Variants in NRG3 observed in about 807,000 individuals in gnomAD.
NRG3 encodes neuregulin 3.
A neutral mutation model predicts 66.9 loss-of-function variants in NRG3; 31 were observed. The observed-to-expected ratio is 0.46, with a 90% CI of 0.35 to 0.63. NRG3 has a LOEUF of 0.63. Ranked by LOEUF, NRG3 falls within the 20% of genes least tolerant of loss-of-function variation. The pLI is 0.00. For missense variants in NRG3, 910 were observed against 878.9 expected, an observed-to-expected ratio of 1.04 and a Z score of -0.45; for synonymous variants, 393 against 359.4, an observed-to-expected ratio of 1.09 and a Z score of -1.06.
chr10:82,685,432 C>G (rs749346573), intron 2 of NRG3, among the ~76,000 whole-genome samples: 3 of 152,166 alleles, frequency 2.0e-5, no homozygotes, highest in African/African-American at 4.8e-5. Flanking sequence ...GTCTGGAGGC[C>G]TGACCAGGAC....
chr10:81,912,387 G>T (rs979561552), intron 1 of NRG3, among the ~76,000 whole-genome samples: 4 of 152,064 alleles, frequency 2.6e-5, no homozygotes, highest in Non-Finnish European at 5.9e-5. Flanking sequence ...AAACCTGGTA[G>T]ATTTTTAAAT....
chr10:81,980,624 A>G (rs2060299812), intron 1 of NRG3, among the ~76,000 whole-genome samples: 2 of 152,224 alleles, frequency 1.3e-5, no homozygotes, highest in Admixed American at 1.3e-4. Context: ...CAGTTTTCAG[A>G]ATTTTCATTT....
chr10:81,997,090 T>C (rs2060967821), intron 1 of NRG3, among the ~76,000 whole-genome samples: 1 of 152,208 alleles, frequency 6.6e-6, no homozygotes, highest in Non-Finnish European at 1.5e-5. Flanking sequence ...TGCATGCTAT[T>C]ACCAGATGAA....
intron 1 of NRG3, among the ~76,000 whole-genome samples, chr10:81,986,192 G>A (rs983087809): frequency 2.0e-5 from 3 of 152,090 alleles, no homozygotes; most frequent in African/African-American, 7.2e-5. Flanking sequence ...GAGATTTTCA[G>A]TCAAGTTTCA....
intron 2 of NRG3, among the ~76,000 whole-genome samples, chr10:82,424,842 A>C (rs535991437): frequency 1.1e-4 from 17 of 151,848 alleles, no homozygotes; most frequent in Non-Finnish European, 2.4e-4. Context: ...TTCCAAATTT[A>C]TTCTTTTGGA....
At chr10:82,767,416 T>C (rs995134580) in intron 3 of NRG3, among the ~76,000 whole-genome samples, 1 of 152,184 alleles carries the variant, frequency 6.6e-6, no homozygotes, top group Non-Finnish European at 1.5e-5. Context: ...CTGAAAAATG[T>C]CTTTATTCTA....
At chr10:81,935,805 C>T (rs1014742749) in intron 1 of NRG3, among the ~76,000 whole-genome samples, 3 of 151,868 alleles carry the variant, frequency 2.0e-5, no homozygotes, top group African/African-American at 7.2e-5. Context: ...CTTTGTTCCT[C>T]CTTGGAGTCA....
At chr10:82,573,431 T>C (rs1301221302) in intron 2 of NRG3, among the ~76,000 whole-genome samples, 1 of 151,846 alleles carries the variant, frequency 6.6e-6, no homozygotes, top group Non-Finnish European at 1.5e-5. Flanking sequence ...TTTTGGCACC[T>C]GTGCTGTAAA....
chr10:82,687,786 C>A (rs781157271), intron 2 of NRG3, among the ~76,000 whole-genome samples: 2 of 152,134 alleles, frequency 1.3e-5, no homozygotes, highest in Non-Finnish European at 2.9e-5. Flanking sequence ...CTGGTCCCCA[C>A]ATCTTCAACT....
At chr10:82,066,132 T>C (rs887419168) in intron 1 of NRG3, among the ~76,000 whole-genome samples, 7 of 152,196 alleles carry the variant, frequency 4.6e-5, no homozygotes. Flanking sequence ...AGGATATTAA[T>C]TTTTCAAATA....
chr10:82,297,352 A>G (rs1243822186), intron 1 of NRG3, among the ~76,000 whole-genome samples: 1 of 152,132 alleles, frequency 6.6e-6, no homozygotes, highest in Non-Finnish European at 1.5e-5. Context: ...TCTTTGAGAA[A>G]TTGAATTTGA....
In NRG3 at chr10:81,875,254, C is replaced by T. The variant is rs1695996817; in HGVS notation, c.-87C>T. Reference sequence around the variant, plus strand: ...CCCGAGCCCGCCGCCGCCGCCGGAGCCCGCGCCCGCGCCCGCGCCCGGCCC... The same window carrying T: ...CCCGAGCCCGCCGCCGCCGCCGGAGTCCGCGCCCGCGCCCGCGCCCGGCCC... On this transcript the variant is annotated 5_prime_UTR_variant, in exon 1 of 9. Transcript: ENST00000372141. This position sits in a 1 kb window ranked among gnomAD's most constrained non-coding sequence, Gnocchi z 5.3. 1.2e-6 allele frequency: 1 copy of T among 865,600 alleles called. No individual in the cohort carries two copies. Among genetic ancestry groups the T allele is most frequent in the Non-Finnish European group, 1.4e-6 (1 of 724,286 alleles). The allele number at this position is 865,600 out of a possible 1,614,324, so 53.6% of individuals were successfully genotyped here.
At chr10:82,933,467 A>T (rs1847776626) in intron 4 of NRG3, among the ~76,000 whole-genome samples, 1 of 152,102 alleles carries the variant, frequency 6.6e-6, no homozygotes, top group Admixed American at 6.6e-5. Flanking sequence ...CTACCCCATT[A>T]TATTTGAATT....
intron 2 of NRG3, among the ~76,000 whole-genome samples, chr10:82,632,242 G>A (rs1291279117): frequency 6.6e-6 from 1 of 151,886 alleles, no homozygotes; most frequent in Non-Finnish European, 1.5e-5. Context: ...ATTTTTTTCT[G>A]ATCCATAAAT....
In NRG3 at chr10:82,973,442, T is replaced by G. The variant is rs565147503; in HGVS notation, c.1285-346T>G. Among the ~76,000 whole-genome samples, 3 of 152,338 alleles carry G rather than the reference T, an allele frequency of 2.0e-5. No homozygotes were observed. In the East Asian group the frequency reaches 5.8e-4, roughly 29 times the overall value. On this transcript the variant is annotated intron_variant, in intron 6 of 8. Transcript: ENST00000372141. ...GTAACCCAGCTAGTAATTCAATTTTTTTGGTAAGATGTACATCAACTAAAA... is the reference window on the plus strand; with the variant it reads ...GTAACCCAGCTAGTAATTCAATTTTGTTGGTAAGATGTACATCAACTAAAA...
Position 82,432,509 on chromosome 10 carries a change from A to C in NRG3, c.953+73641A>C, listed in dbSNP as rs1015362863. Among the ~76,000 whole-genome samples the C allele has an allele frequency of 1.1e-4, 17 of 151,898 alleles. 1 individual carries two copies. Among genetic ancestry groups the C allele is most frequent in the Admixed American group, 2.0e-4 (3 of 15,220 alleles). ...TGTATTTCTTCTAAAAAAAAAAAAA[A>C]AAAAACAGGATACATGTGCAGATCG... On this transcript the variant is annotated intron_variant, in intron 2 of 8. Transcript: ENST00000372141.
rs368489438 is a variant in NRG3 at position 82,897,668 on chromosome 10, G to A, written c.1054+32231G>A. On this transcript the variant is annotated intron_variant, in intron 4 of 8. Coordinates refer to ENST00000372141, the MANE Select transcript of NRG3 (RefSeq NM_001010848.4). ...CGAGTAGCTGGGATTATAGATGTGC[G>A]CCACAATGCCCAGCTAATTGTTGTA... Among the ~76,000 whole-genome samples, 31 of 152,114 alleles carry A rather than the reference G, an allele frequency of 2.0e-4. No homozygotes were observed. The East Asian group carries it at 2.5e-3, about 12-fold the overall frequency.
At chr10:82,003,770 A>G (rs896450858) in intron 1 of NRG3, among the ~76,000 whole-genome samples, 5 of 152,130 alleles carry the variant, frequency 3.3e-5, no homozygotes, top group South Asian at 4.1e-4. Flanking sequence ...CTGTTGACCT[A>G]TCTTTTGAGA....
At chr10:82,066,034 A>T (rs1483079631) in intron 1 of NRG3, among the ~76,000 whole-genome samples, 2 of 152,168 alleles carry the variant, frequency 1.3e-5, no homozygotes, top group Non-Finnish European at 2.9e-5. Flanking sequence ...TCATTTTAAC[A>T]TTATAATCAT....
Sources: gnomAD v4.1 joint callset for allele counts (sites outside exome capture counted in the v4.1 genomes callset) on GRCh38, gnomAD v4.1.1 for gene constraint, Gnocchi (gnomAD v3.1) non-coding constraint, MANE v1.5 for transcripts, NCBI Gene and HGNC (gene_info 2026-07-23, HGNC 2026-07-21) for gene names.